MED14: variants seen among roughly 807,000 people sequenced by gnomAD.
The protein encoded by MED14 is mediator of RNA polymerase II transcription subunit 14.
Under a neutral mutation model 109.0 loss-of-function variants are expected in MED14, and 8 were observed. The ratio of observed to expected loss-of-function variants is 0.07; its 90% CI spans 0.04 to 0.13. The LOEUF (loss-of-function observed/expected upper bound fraction) is 0.13, where lower values mean the gene tolerates loss of function less well. Ranked by LOEUF, MED14 falls within the 10% of genes least tolerant of loss-of-function variation. The probability of loss-of-function intolerance (pLI) is 1.00; values close to 1 mark genes in which losing one functional copy is unlikely to be tolerated. For synonymous variants in MED14, 399 were observed against 408.7 expected (o/e 0.98, Z 0.29); for missense variants, 711 against 1,142.4 (o/e 0.62, Z 5.44).
At chrX:40,690,274 T>C (rs1930449602) in intron 15 of MED14, among the ~76,000 whole-genome samples, 1 of 111,506 alleles carries the variant, frequency 9.0e-6, no homozygotes. Flanking sequence ...TGAGTATTTA[T>C]TTTAGGTGCC....
At chrX:40,727,547 G>T (rs1286562934) in intron 2 of MED14, among the ~76,000 whole-genome samples, 1 of 111,703 alleles carries the variant, frequency 9.0e-6, no homozygotes, top group African/African-American at 3.3e-5. Context: ...ATACTCATCA[G>T]TACTTTTATC....
At chrX:40,708,244 T>C (rs774848202) in intron 10 of MED14, among the ~76,000 whole-genome samples, 1 of 111,034 alleles carries the variant, frequency 9.0e-6, no homozygotes, top group East Asian at 2.8e-4. Context: ...AGGCTGCCCC[T>C]CTCCTTAGTC....
chrX:40,663,287 T>A, intron 25 of MED14, 127 bp from the exon 26 acceptor site: 4 of 542,939 alleles, frequency 7.4e-6, no homozygotes, highest in Non-Finnish European at 1.2e-5. Context: ...CTCCTTGTGG[T>A]GTAACAATCA....
intron 28 of MED14, among the ~76,000 whole-genome samples, chrX:40,658,087 C>T (rs746342093): frequency 8.0e-4 from 85 of 106,293 alleles, no homozygotes; most frequent in Middle Eastern, 5.0e-3. Context: ...AGCCACCGTG[C>T]ACGGCCTTTT....
chrX:40,708,732 T>A (rs183627254), intron 10 of MED14, among the ~76,000 whole-genome samples: 1 of 111,976 alleles, frequency 8.9e-6, no homozygotes, highest in African/African-American at 3.2e-5. Flanking sequence ...ATATACTTAC[T>A]AGGTAATTAA....
At chrX:40,713,941 T>A in intron 4 of MED14, 34 bp from the exon 5 acceptor site, 1 of 1,178,209 alleles carries the variant, frequency 8.5e-7, no homozygotes, top group East Asian at 3.0e-5. Context: ...TTAAATAATG[T>A]ACAAACGGGG....
Position 40,718,120 on chromosome X carries a change from C to A in MED14, c.349-3410G>T, listed in dbSNP as rs1012498682. On this transcript the variant is annotated intron_variant, in intron 3 of 30. Transcript: ENST00000324817. ...TGAAACAACAACAACAAAAATATTTCTTCTAATTCTTAGTTAGACCCAATA... is the reference window on the plus strand; with the variant it reads ...TGAAACAACAACAACAAAAATATTTATTCTAATTCTTAGTTAGACCCAATA... 8.9e-5 allele frequency among the ~76,000 whole-genome samples: 10 copies of A among 112,117 alleles called. 1 individual carries two copies. Among genetic ancestry groups the A allele is most frequent in the African/African-American group, 3.2e-4 (10 of 30,816 alleles).
intron 22 of MED14, among the ~76,000 whole-genome samples, chrX:40,673,158 A>G (rs999613227): frequency 1.3e-4 from 15 of 112,410 alleles, no homozygotes; most frequent in African/African-American, 4.5e-4. Context: ...CTGAAAACTG[A>G]AACTGCTCAA....
At chrX:40,653,705 G>A (rs1040502141) in intron 30 of MED14, among the ~76,000 whole-genome samples, 65 of 111,657 alleles carry the variant, frequency 5.8e-4, no homozygotes, top group African/African-American at 2.0e-3. Context: ...CAGGAGTTAC[G>A]TGTTAAGTGA....
In MED14 at chrX:40,650,829, A is replaced by C. The variant is rs1928841740; in HGVS notation, c.*977T>G. The stretch of plus-strand genomic sequence containing the variant: ...AAAGGAGGATAAGTTAAGCAAGATA[A>C]AGAAAGCTCACAGAAACTTCATGCA... On this transcript the variant is annotated 3_prime_UTR_variant, in exon 31 of 31. Transcript: ENST00000324817. 17 of 752,333 alleles carry C rather than the reference A, an allele frequency of 2.3e-5. No individual in the cohort carries two copies. The highest frequency in any genetic ancestry group is 2.7e-5 in the Non-Finnish European group (17 of 638,513). The allele number at this position is 752,333 out of a possible 1,213,427, so 62.0% of individuals were successfully genotyped here.
intron 21 of MED14, among the ~76,000 whole-genome samples, chrX:40,678,332 GA>G (rs35685812): frequency 0.37 from 41,210 of 110,288 alleles, 8,410 homozygotes; most frequent in African/African-American, 0.8. Flanking sequence ...ATAACTAGGA[GA>G]AGAGTTTAAG....
chrX:40,724,044 G>A (rs1157171234), intron 3 of MED14, among the ~76,000 whole-genome samples: 1 of 112,027 alleles, frequency 8.9e-6, no homozygotes, highest in African/African-American at 3.2e-5. Flanking sequence ...AGGAGTAGGA[G>A]TAGCTATACT....
chrX:40,675,850 C>A (rs1402097604), intron 21 of MED14, among the ~76,000 whole-genome samples: 1 of 112,095 alleles, frequency 8.9e-6, no homozygotes, highest in Admixed American at 9.4e-5. Context: ...AAGAGTGGGA[C>A]AGCCTTGTTT....
At chrX:40,660,077 G>A (rs1929206124) in intron 26 of MED14, among the ~76,000 whole-genome samples, 1 of 111,742 alleles carries the variant, frequency 8.9e-6, no homozygotes, top group East Asian at 2.8e-4. Context: ...CTAGATATGT[G>A]ATACAGAAAT....
At chrX:40,702,350 T>TG (rs896485612) in intron 11 of MED14, among the ~76,000 whole-genome samples, 1 of 100,747 alleles carries the variant, frequency 9.9e-6, no homozygotes, top group African/African-American at 3.8e-5. Flanking sequence ...AGTTTTGTTT[T>TG]TTTTTTTTTT....
In MED14 at chrX:40,680,124, C is replaced by T. The variant is rs1213994253; in HGVS notation, c.2620G>A (p.Asp874Asn). The change falls in exon 21 of 31, where the codon GAT (aspartate) becomes AAT (asparagine). Residue 874 changes from aspartate (D) to asparagine (N), a missense_variant. Asp to Asn is a conservative substitution (Grantham distance 23). Coordinates refer to ENST00000324817, the MANE Select transcript of MED14 (RefSeq NM_004229.4). The part of the protein sequence containing the change: ...NVVQLLQVLF[D>N]TQAPLNAINK... The stretch of plus-strand genomic sequence containing the variant: ...ATGGCATTTAATGGAGCCTGAGTAT[C>T]AAACAGTACCTATAAGGAACAAACA... 1 of 1,210,200 alleles carries T rather than the reference C, an allele frequency of 8.3e-7. No homozygotes were observed. Among genetic ancestry groups the T allele is most frequent in the Admixed American group, 2.2e-5 (1 of 45,926 alleles).
At chrX:40,715,163 G>C (rs1569296119) in intron 3 of MED14, 1 of 113,001 alleles carries the variant, frequency 8.8e-6, no homozygotes, top group Admixed American at 9.4e-5. Flanking sequence ...TTGTGCCTCA[G>C]CTTTTTTCAA....
chrX:40,680,172 T>C, intron 20 of MED14, 39 bp from the exon 21 acceptor site: 7 of 1,172,196 alleles, frequency 6.0e-6, no homozygotes, highest in Non-Finnish European at 8.1e-6. Flanking sequence ...CCAGTTTCTG[T>C]ACAAATGTTA....
chrX:40,693,138 C>T (rs1930594247), intron 13 of MED14, among the ~76,000 whole-genome samples: 1 of 111,598 alleles, frequency 9.0e-6, no homozygotes, highest in Non-Finnish European at 1.9e-5. Flanking sequence ...TAAACTATAA[C>T]AAATGGGGCA....
Sources: gnomAD v4.1 joint callset for allele counts (sites outside exome capture counted in the v4.1 genomes callset) on GRCh38, gnomAD v4.1.1 for gene constraint, MANE v1.5 for transcripts, NCBI Gene and HGNC (gene_info 2026-07-23, HGNC 2026-07-21) for gene names.